Variants in CEP290 observed in about 807,000 individuals in gnomAD.
CEP290 encodes centrosomal protein 290.
CEP290 carries 317 observed loss-of-function variants against 344.9 expected under a neutral mutation model. The ratio of observed to expected loss-of-function variants is 0.92; its 90% CI spans 0.84 to 1.01. CEP290 has a LOEUF of 1.01. Among genes scored for constraint, CEP290 ranks in the 50% least tolerant of loss-of-function variants. The probability of loss-of-function intolerance (pLI) is 0.00; values close to 1 mark genes in which losing one functional copy is unlikely to be tolerated. For missense variants in CEP290, 2,754 were observed against 2,761.4 expected (o/e 1.00, Z 0.06); for synonymous variants, 932 against 895.8 (o/e 1.04, Z -0.72).
chr12:88,114,767 C>T (rs1021562693), intron 19 of CEP290, among the ~76,000 whole-genome samples: 1 of 152,104 alleles, frequency 6.6e-6, no homozygotes, highest in African/African-American at 2.4e-5. Flanking sequence ...TGCATATACA[C>T]ACGTATATAA....
At chr12:88,089,726 GTT>G (rs1185071952) in intron 30 of CEP290, among the ~76,000 whole-genome samples, 3 of 130,882 alleles carry the variant, frequency 2.3e-5, no homozygotes, top group African/African-American at 2.8e-5. Context: ...TGTTACTGGT[GTT>G]TTTTTTTTTT....
rs2037240316 is a variant in CEP290, at chr12:88,093,950, T to C, written c.3129A>G (p.Ala1043=). ...KLGNESSMDK[A]KKSITNSDIV... ...TGTCACTGTTGGTTATTGATTTCTT[T>C]GCCTTATCCATGCTAGATTCATTAC... The change falls in exon 28 of 54, where the codon GCA becomes GCG. Residue 1043 remains alanine, a synonymous_variant. Transcript: ENST00000552810. 2.5e-6 allele frequency: 4 copies of C among 1,611,240 alleles called. No homozygotes were observed. Among genetic ancestry groups the C allele is most frequent in the African/African-American group, 1.3e-5 (1 of 74,776 alleles).
At chr12:88,066,806 T>C (rs1300107494) in intron 44 of CEP290, among the ~76,000 whole-genome samples, 1 of 152,062 alleles carries the variant, frequency 6.6e-6, no homozygotes, top group Non-Finnish European at 1.5e-5. Flanking sequence ...CTGTCTAAAT[T>C]TTTTGTAGAG....
intron 6 of CEP290, among the ~76,000 whole-genome samples, chr12:88,135,388 T>C (rs1025069243): frequency 6.6e-6 from 1 of 152,130 alleles, no homozygotes; most frequent in Non-Finnish European, 1.5e-5. Flanking sequence ...CTGATACAGG[T>C]CTATATAGAA....
chr12:88,125,301 C>T lies in CEP290; in HGVS notation c.1134G>A (p.Met378Ile), dbSNP rs749566358. ...CTTCAATAATACAAGTATTCTTTTC[C>T]ATTTCTTTTGTATATTGTTCTACTT... ...TEQVEQYTKE[M>I]EKNTCIIEDL... is the part of the protein sequence containing the mutation. Residue 378 changes from methionine (M) to isoleucine (I), a missense_variant, in exon 13 of 54, where the codon ATG becomes ATA. Met to Ile is a conservative substitution (Grantham distance 10). Transcript: ENST00000552810. The T allele has an allele frequency of 5.0e-6, 6 of 1,194,592 alleles. No homozygotes were observed. The highest frequency in any genetic ancestry group is 2.1e-4 in the Middle Eastern group (1 of 4,808). The allele number at this position is 1,194,592 out of a possible 1,614,324, so 74.0% of individuals were successfully genotyped here. A position where few individuals can be genotyped will look rare whatever the true frequency, so the allele number is the denominator to read the frequency against.
In CEP290 at chr12:88,049,360, C is replaced by CA. The variant is rs1219184437; in HGVS notation, c.7263dup (p.Glu2422Ter). The CA allele has an allele frequency of 1.3e-6, 2 of 1,567,386 alleles. No individual in the cohort carries two copies. The highest frequency in any genetic ancestry group is 1.7e-6 in the Non-Finnish European group (2 of 1,148,756). Reference sequence around the variant, plus strand: ...TTATACTTAAGATCTTCAATTTCTTCAAAAAATGAAGGATCAAAATTTTCC... The same window carrying CA: ...TTATACTTAAGATCTTCAATTTCTTCAAAAAAATGAAGGATCAAAATTTTCC... On this transcript the variant is annotated frameshift_variant, in exon 54 of 54. Transcript: ENST00000552810. LOFTEE classifies it high-confidence loss of function.
chr12:88,130,085 G>A (rs1003418009), intron 9 of CEP290, among the ~76,000 whole-genome samples, 183 bp downstream of exon 9: 1 of 151,756 alleles, frequency 6.6e-6, no homozygotes, highest in African/African-American at 2.4e-5. Flanking sequence ...ACCAAGACAG[G>A]CAAATATAAA....
intron 32 of CEP290, among the ~76,000 whole-genome samples, chr12:88,086,704 T>TATCCATCCATCCATCCACCC (rs1555208399): frequency 1.3e-5 from 2 of 149,078 alleles, no homozygotes; most frequent in Non-Finnish European, 3.0e-5. Context: ...GATTTCAGTC[T>TATCCATCCATCCATCCACCC]ATCCATCCAT....
chr12:88,121,736 G>A (rs1468216771), intron 13 of CEP290, among the ~76,000 whole-genome samples: 3 of 152,056 alleles, frequency 2.0e-5, no homozygotes, highest in Non-Finnish European at 4.4e-5. Context: ...GAAACCACAT[G>A]TTGAGATAGG....
At chr12:88,064,945 C>G (rs2136835214) in intron 44 of CEP290, among the ~76,000 whole-genome samples, 1 of 152,196 alleles carries the variant, frequency 6.6e-6, no homozygotes, top group South Asian at 2.1e-4. Flanking sequence ...ATTCTTTGAG[C>G]TAAAGTAATG....
chr12:88,069,708 G>A (rs912291768), intron 43 of CEP290, among the ~76,000 whole-genome samples: 6 of 152,162 alleles, frequency 3.9e-5, no homozygotes, highest in South Asian at 2.1e-4. Flanking sequence ...GTTCAACTTC[G>A]TATGTTCACA....
At chr12:88,072,938 G>GAA (rs1002710325) in intron 41 of CEP290, among the ~76,000 whole-genome samples, 1 of 151,866 alleles carries the variant, frequency 6.6e-6, no homozygotes, top group South Asian at 2.1e-4. Flanking sequence ...GTGCTAAAAA[G>GAA]AAAAAAGAAA....
intron 53 of CEP290, chr12:88,049,818 TAATG>T (rs1196811490): frequency 6.4e-6 from 1 of 156,484 alleles, no homozygotes; most frequent in African/African-American, 2.4e-5. Flanking sequence ...ATCTAATATT[TAATG>T]AATAATGATC....
rs971707663 is a variant in CEP290 at position 88,107,048 on chromosome 12, C to T, written c.2534G>A (p.Arg845Lys). 3 of 1,552,410 alleles carry T rather than the reference C, an allele frequency of 1.9e-6. No homozygotes were observed. Among genetic ancestry groups the T allele is most frequent in the Non-Finnish European group, 2.6e-6 (3 of 1,150,390 alleles). Residue 845 changes from arginine (R) to lysine (K), a missense_variant, in exon 24 of 54, where the codon AGA (arginine) becomes AAA (lysine). Coordinates refer to ENST00000552810, the MANE Select transcript of CEP290 (RefSeq NM_025114.4). ...TESKTIKEEK[R>K]KLEDQVQQDA... ...TTGTTGGACTTGATCCTCAAGTTTT[C>T]TCTTTTCCTCTTTTATTGTTTTAGA...
intron 49 of CEP290, among the ~76,000 whole-genome samples, chr12:88,056,493 T>C (rs951148598): frequency 1.3e-5 from 2 of 152,182 alleles, no homozygotes; most frequent in African/African-American, 4.8e-5. Context: ...CAGCTTTTGA[T>C]AGATCTTAGA....
intron 26 of CEP290, among the ~76,000 whole-genome samples, chr12:88,102,491 G>A (rs1441693030): frequency 2.0e-5 from 3 of 152,066 alleles, no homozygotes; most frequent in Non-Finnish European, 2.9e-5. Flanking sequence ...TCCCTCCTTT[G>A]ATTACAATAT....
In CEP290 at chr12:88,117,144, T is replaced by G; in HGVS notation, c.1713A>C (p.Gly571=). 6.9e-7 allele frequency: 1 copy of G among 1,439,610 alleles called. No homozygotes were observed. The highest frequency in any genetic ancestry group is 1.2e-5 in the South Asian group (1 of 80,584). 89.2% of individuals were successfully genotyped at this position (1,439,610 alleles called of 1,614,324 possible). ...TTAGGTTCAGGTCCTCAGTGGTTAATCCTATATATAAGAGAATTAACAAAC... is the reference window on the plus strand; with the variant it reads ...TTAGGTTCAGGTCCTCAGTGGTTAAGCCTATATATAAGAGAATTAACAAAC... ...QERGKRSATS[G]LTTEDLNLTE... is the part of the protein sequence containing the mutation. Residue 571 remains glycine (G), a splice_region_variant and synonymous_variant, in exon 18 of 54, where the codon GGA becomes GGC. Coordinates refer to ENST00000552810, the MANE Select transcript of CEP290 (RefSeq NM_025114.4).
intron 50 of CEP290, among the ~76,000 whole-genome samples, chr12:88,055,127 A>G (rs2033892398): frequency 6.6e-6 from 1 of 152,076 alleles, no homozygotes; most frequent in Admixed American, 6.6e-5. Context: ...GATTCTGAGG[A>G]TAGGACTTTG....
intron 5 of CEP290, among the ~76,000 whole-genome samples, chr12:88,138,744 T>C (rs896201491): frequency 3.3e-5 from 5 of 152,212 alleles, no homozygotes; most frequent in Admixed American, 6.5e-5. Flanking sequence ...TTGTATCACA[T>C]TCCTACCTTC....
Sources: allele counts gnomAD v4.1 joint callset (sites outside exome capture counted in the v4.1 genomes callset), GRCh38; gene constraint gnomAD v4.1.1; transcripts MANE v1.5; gene names NCBI Gene and HGNC (gene_info 2026-07-23, HGNC 2026-07-21).